The following SLC38A8 variants were observed in gnomAD, a reference collection of about 807,000 sequenced individuals.
The protein encoded by SLC38A8 is amino acid transporter SLC38A8.
A neutral mutation model predicts 46.0 loss-of-function variants in SLC38A8; 65 were observed. The observed-to-expected ratio is 1.41, with a 90% CI of 1.16 to 1.74. The LOEUF (loss-of-function observed/expected upper bound fraction) is 1.74. SLC38A8 is among the 40% of genes most tolerant of loss of function. The pLI, the probability that SLC38A8 is intolerant of heterozygous loss-of-function variation, is 0.00. For missense variants in SLC38A8, 998 were observed against 567.9 expected (o/e 1.76, Z -7.70); for synonymous variants, 447 against 243.7 (o/e 1.83, Z -7.77).
intron 2 of SLC38A8, among the ~76,000 whole-genome samples, chr16:84,041,575 A>G (rs1168502641): frequency 6.6e-6 from 1 of 152,144 alleles, no homozygotes; most frequent in Non-Finnish European, 1.5e-5. Context: ...GGCCTCCCAA[A>G]GGGCTGCGAT....
In SLC38A8 at chr16:84,029,556, A is replaced by C. The variant is rs778342318; in HGVS notation, c.633-5T>G. 45 of 1,613,940 alleles carry C rather than the reference A, an allele frequency of 2.8e-5. No homozygotes were observed. Among genetic ancestry groups the C allele is most frequent in the Non-Finnish European group, 3.6e-5 (42 of 1,179,948 alleles). On this transcript the variant is annotated splice_polypyrimidine_tract_variant and splice_region_variant and intron_variant, in intron 5 of 10. Coordinates refer to ENST00000299709, the MANE Select transcript of SLC38A8 (RefSeq NM_001080442.3). ...ACAGAGGTCCAGGAGGCAGGGCTGT[A>C]AACAGACAAGAACAGGAGTTTATTA...
intron 9 of SLC38A8, among the ~76,000 whole-genome samples, chr16:84,014,924 G>A (rs138277904): frequency 3.3e-5 from 5 of 150,426 alleles, no homozygotes; most frequent in Non-Finnish European, 7.4e-5. Context: ...ACTTACCTGG[G>A]ACCCTGAACA....
At chr16:84,041,865 G>C in intron 2 of SLC38A8, 104 bp downstream of exon 2, 2 of 1,030,860 alleles carry the variant, frequency 1.9e-6, no homozygotes, top group Non-Finnish European at 2.8e-6. Flanking sequence ...CGAAGCTATA[G>C]CTTACAGGAC....
intron 5 of SLC38A8, among the ~76,000 whole-genome samples, chr16:84,031,423 C>G (rs1201494441): frequency 6.6e-6 from 1 of 152,238 alleles, no homozygotes; most frequent in Non-Finnish European, 1.5e-5. Context: ...TCATCCAGAG[C>G]AAAACCAAAC....
intron 9 of SLC38A8, among the ~76,000 whole-genome samples, chr16:84,015,820 C>G (rs923184361): frequency 6.6e-6 from 1 of 152,192 alleles, no homozygotes; most frequent in Non-Finnish European, 1.5e-5. Context: ...ATTCTCCTGC[C>G]TAAGCCTCCT....
intron 6 of SLC38A8, among the ~76,000 whole-genome samples, chr16:84,023,860 C>T (rs565446314): frequency 1.0e-3 from 154 of 152,344 alleles, no homozygotes; most frequent in Non-Finnish European, 1.3e-3. Context: ...TGCCACTGCA[C>T]TCCAGCCTGA....
chr16:84,024,179 G>A (rs35184835), intron 6 of SLC38A8, among the ~76,000 whole-genome samples: 27,336 of 152,052 alleles, frequency 0.18, 2,633 homozygotes, highest in African/African-American at 0.25. Context: ...ACCAACCCAC[G>A]CAAACCCCAC....
rs189685492 is a variant in SLC38A8 at position 84,038,054 on chromosome 16, T to A, written c.190-1154A>T. Reference sequence around the variant, plus strand: ...GGCCAGGTGCTATGGCTCACGCCTGTAATCCCAGCACTTCGGGAGGCCAAG... The same window carrying A: ...GGCCAGGTGCTATGGCTCACGCCTGAAATCCCAGCACTTCGGGAGGCCAAG... On this transcript the variant is annotated intron_variant, in intron 2 of 10. Transcript: ENST00000299709. Among the ~76,000 whole-genome samples, 10 of 151,318 alleles carry A rather than the reference T, an allele frequency of 6.6e-5. 1 individual carries two copies. The East Asian group carries it at 1.9e-3, about 29-fold the overall frequency.
At chr16:84,011,483 G>T (rs1161722234) in intron 10 of SLC38A8, among the ~76,000 whole-genome samples, 1 of 152,152 alleles carries the variant, frequency 6.6e-6, no homozygotes, top group African/African-American at 2.4e-5. Flanking sequence ...GGCTCAATGG[G>T]GCTAGAGGGC....
chr16:84,029,640 G>T (rs118145955), intron 5 of SLC38A8, 89 bp from the exon 6 acceptor site: 16 of 1,309,830 alleles, frequency 1.2e-5, no homozygotes, highest in Non-Finnish European at 1.6e-5. Flanking sequence ...AAGGATGCTG[G>T]GAAAATGTAA....
intron 4 of SLC38A8, among the ~76,000 whole-genome samples, chr16:84,032,622 G>C (rs1321675599): frequency 1.3e-5 from 2 of 152,246 alleles, no homozygotes; most frequent in African/African-American, 4.8e-5. Flanking sequence ...ACACTTGAGA[G>C]GGGACAAGCC....
rs762336870 is a variant in SLC38A8 at position 84,029,487 on chromosome 16, A to T, written c.690+7T>A. On this transcript the variant is annotated splice_region_variant and intron_variant, in intron 6 of 10. Transcript: ENST00000299709. ...GCCACAGGCTGCAACACAGATGCTA[A>T]AATTACCTGAAACCCGAAGCAGATG... 1.2e-6 allele frequency: 2 copies of T among 1,614,018 alleles called. No homozygotes were observed. The highest frequency in any genetic ancestry group is 1.7e-6 in the Non-Finnish European group (2 of 1,179,948).
chr16:84,028,439 G>C (rs1484181515), intron 6 of SLC38A8, among the ~76,000 whole-genome samples: 1 of 151,924 alleles, frequency 6.6e-6, no homozygotes, highest in Non-Finnish European at 1.5e-5. Flanking sequence ...AAAAAAATTA[G>C]CCAGGCATGG....
chr16:84,020,495 G>C (rs950696260), intron 7 of SLC38A8, among the ~76,000 whole-genome samples: 7 of 152,176 alleles, frequency 4.6e-5, no homozygotes, highest in South Asian at 2.1e-4. Context: ...AGCTTCTGTA[G>C]CTCTCGCTAT....
intron 7 of SLC38A8, 108 bp from the exon 8 acceptor site, chr16:84,017,395 G>A (rs2085043445): frequency 2.2e-6 from 3 of 1,340,020 alleles, no homozygotes; most frequent in Non-Finnish European, 3.1e-6. Flanking sequence ...ATTTTCCTTA[G>A]GAGCTGAAAG....
intron 2 of SLC38A8, chr16:84,040,118 C>G (rs2085351801): frequency 6.6e-6 from 1 of 152,280 alleles, no homozygotes; most frequent in African/African-American, 2.4e-5. Flanking sequence ...CATTTAAACG[C>G]TCCCCATGCA....
At chr16:84,033,786 T>G (rs1354137338) in intron 3 of SLC38A8, among the ~76,000 whole-genome samples, 1 of 152,144 alleles carries the variant, frequency 6.6e-6, no homozygotes, top group Non-Finnish European at 1.5e-5. Flanking sequence ...AAGACTCTTT[T>G]GGTTTCGTTC....
At chr16:84,010,848 G>A (rs968415413) in intron 10 of SLC38A8, among the ~76,000 whole-genome samples, 4 of 151,868 alleles carry the variant, frequency 2.6e-5, no homozygotes, top group Non-Finnish European at 5.9e-5. Context: ...GAAAATGAAG[G>A]AGAAGACGCA....
chr16:84,036,847 A>G lies in SLC38A8; in HGVS notation c.243T>C (p.Ala81=), dbSNP rs767756727. ...CCTGGTAGGTGGCCTGGCCACTGAC[A>G]GCAGCAGCATAGCCCAGGATGACCA... is the stretch of plus-strand genomic sequence containing the variant. ...SGLVILGYAA[A]VSGQATYQGV... Residue 81 remains alanine, a synonymous_variant, in exon 3 of 11, where the codon GCT becomes GCC. Transcript: ENST00000299709. The G allele has an allele frequency of 1.2e-6, 2 of 1,613,672 alleles. No homozygotes were observed. Among genetic ancestry groups the G allele is most frequent in the Non-Finnish European group, 1.7e-6 (2 of 1,179,978 alleles).
Sources: gnomAD v4.1 joint callset for allele counts (sites outside exome capture counted in the v4.1 genomes callset) on GRCh38, gnomAD v4.1.1 for gene constraint, MANE v1.5 for transcripts, NCBI Gene and HGNC (gene_info 2026-07-23, HGNC 2026-07-21) for gene names.